MICU2: variants seen among roughly 807,000 people sequenced by gnomAD.
The protein encoded by MICU2 is mitochondrial calcium uptake 2, also known as calcium uptake protein 2, mitochondrial.
MICU2 carries 64 observed loss-of-function variants against 60.4 expected under a neutral mutation model. The observed-to-expected ratio is 1.06, with a 90% CI of 0.87 to 1.31. The LOEUF is 1.31. Ranked by LOEUF, MICU2 falls within the 50% of genes most tolerant of loss-of-function variation. MICU2 has a pLI of 0.00. For missense variants in MICU2, 569 were observed against 531.0 expected (o/e 1.07, Z -0.70); for synonymous variants, 201 against 175.0 (o/e 1.15, Z -1.17).
intron 4 of MICU2, among the ~76,000 whole-genome samples, chr13:21,531,642 T>G (rs569780942): frequency 6.6e-6 from 1 of 152,316 alleles, no homozygotes; most frequent in African/African-American, 2.4e-5. Flanking sequence ...GCGTCAAGAT[T>G]TGTAGAAGTA....
chr13:21,521,122 A>G (rs970495238), intron 6 of MICU2, 123 bp downstream of exon 6: 2 of 795,056 alleles, frequency 2.5e-6, no homozygotes, highest in Non-Finnish European at 4.0e-6. Flanking sequence ...GAATGTCCAA[A>G]TAATTTCCTG....
Position 21,514,446 on chromosome 13 carries a change from A to G in MICU2, c.598-28T>C, listed in dbSNP as rs76765128. ...AAAAAGATTACAAACATGAGTTTAC[A>G]TGTGTGCCTACCAGATTTTTCAAAA... On this transcript the variant is annotated intron_variant, in intron 6 of 11. Coordinates refer to ENST00000382374, the MANE Select transcript of MICU2 (RefSeq NM_152726.3). 1,158 of 1,571,474 alleles carry G rather than the reference A, an allele frequency of 7.4e-4. 16 individuals carry two copies. In the African/African-American group the frequency reaches 0.013, roughly 18 times the overall value.
chr13:21,603,911 G>C lies in MICU2; in HGVS notation c.210+28C>G, dbSNP rs1045975962. The C allele has an allele frequency of 3.7e-6, 6 of 1,608,204 alleles. No individual in the cohort carries two copies. The African/African-American group carries it at 8.1e-5, about 22-fold the overall frequency. On this transcript the variant is annotated intron_variant, in intron 1 of 11. Transcript: ENST00000382374. Reference sequence around the variant, plus strand: ...GTCAGGGGAGGGAGGAGCTTGACTGGGGCTAGCAGAAGGAGTTAGTCCTGT... The same window carrying C: ...GTCAGGGGAGGGAGGAGCTTGACTGCGGCTAGCAGAAGGAGTTAGTCCTGT...
chr13:21,515,068 A>G (rs555230007), intron 6 of MICU2, among the ~76,000 whole-genome samples: 1 of 144,348 alleles, frequency 6.9e-6, no homozygotes, highest in Non-Finnish European at 1.5e-5. Flanking sequence ...GTTTATGGTG[A>G]CATTTTCAAG....
At chr13:21,501,484 G>A (rs570497590) in intron 9 of MICU2, among the ~76,000 whole-genome samples, 9 of 152,098 alleles carry the variant, frequency 5.9e-5, no homozygotes, top group Non-Finnish European at 1.2e-4. Context: ...GGATGGTCTT[G>A]ATCTCCTGAC....
chr13:21,519,268 C>T (rs947117386), intron 6 of MICU2, among the ~76,000 whole-genome samples: 2 of 151,980 alleles, frequency 1.3e-5, no homozygotes, highest in South Asian at 2.1e-4. Flanking sequence ...ATGTTGGTCA[C>T]GCTGGTCTCA....
intron 1 of MICU2, among the ~76,000 whole-genome samples, chr13:21,593,594 A>AC (rs1888633443): frequency 2.7e-5 from 4 of 150,518 alleles, no homozygotes; most frequent in Non-Finnish European, 5.9e-5. Context: ...AAAAAAAAAA[A>AC]CAAAGCTGGA....
chr13:21,520,343 T>C (rs1886685818), intron 6 of MICU2, among the ~76,000 whole-genome samples: 1 of 152,230 alleles, frequency 6.6e-6, no homozygotes, highest in African/African-American at 2.4e-5. Context: ...CAAGGATATA[T>C]GTTACTTTAA....
chr13:21,510,031 C>A lies in MICU2; in HGVS notation c.734G>T (p.Arg245Ile). The change falls in exon 8 of 12, where the codon AGA becomes ATA. Residue 245 changes from arginine to isoleucine, a missense_variant. Transcript: ENST00000382374. ...TCGAAATTCTTTATAATGAAGTTTT[C>A]TTTGTCCTCTTTTTCCAAAGAAACG... ...QMRFFGKRGQRKLHYKEFRRF... is the reference protein window; with the variant it reads ...QMRFFGKRGQIKLHYKEFRRF... 1.3e-6 allele frequency: 2 copies of A among 1,542,888 alleles called. No individual in the cohort carries two copies. Among genetic ancestry groups the A allele is most frequent in the Admixed American group, 2.1e-5 (1 of 47,704 alleles).
chr13:21,567,440 C>T (rs1888011984), intron 1 of MICU2, among the ~76,000 whole-genome samples: 1 of 152,080 alleles, frequency 6.6e-6, no homozygotes, highest in Non-Finnish European at 1.5e-5. Flanking sequence ...GCCACGTTAC[C>T]AGAGTGACTG....
chr13:21,495,364 T>G, intron 10 of MICU2, 46 bp from the exon 11 acceptor site: 1 of 1,385,384 alleles, frequency 7.2e-7, no homozygotes, highest in East Asian at 2.5e-5. Flanking sequence ...TGAAATAGTC[T>G]AAGTGAAATT....
At chr13:21,513,655 G>A (rs1886487458) in intron 7 of MICU2, among the ~76,000 whole-genome samples, 2 of 139,494 alleles carry the variant, frequency 1.4e-5, no homozygotes, top group Non-Finnish European at 3.0e-5. Context: ...CAGGAGAATC[G>A]CTTGAACTGG....
intron 1 of MICU2, among the ~76,000 whole-genome samples, chr13:21,569,410 T>TA (rs1156556055): frequency 1.3e-5 from 2 of 152,148 alleles, no homozygotes; most frequent in African/African-American, 4.8e-5. Context: ...GCTCTGCTTA[T>TA]AGAGTACAAA....
At chr13:21,508,268 G>C (rs1428237550) in intron 8 of MICU2, among the ~76,000 whole-genome samples, 2 of 151,998 alleles carry the variant, frequency 1.3e-5, no homozygotes, top group African/African-American at 2.4e-5. Context: ...AGGGTCTACA[G>C]GTGCCTGCCA....
At chr13:21,603,483 G>A (rs1330018015) in intron 1 of MICU2, 3 of 167,454 alleles carry the variant, frequency 1.8e-5, no homozygotes, top group African/African-American at 4.8e-5. Flanking sequence ...AGAAAAGATC[G>A]TAAAACTTAG....
At chr13:21,593,740 C>T (rs143693583) in intron 1 of MICU2, among the ~76,000 whole-genome samples, 2,692 of 152,216 alleles carry the variant, frequency 0.018, 33 homozygotes, top group Non-Finnish European at 0.026. Context: ...CATCTACATC[C>T]ATCTGATCTT....
intron 1 of MICU2, among the ~76,000 whole-genome samples, chr13:21,581,182 G>A (rs1446067873): frequency 6.6e-6 from 1 of 152,142 alleles, no homozygotes. Flanking sequence ...TGAAAATTTA[G>A]AGCAGAGGTT....
chr13:21,497,702 T>C (rs541653611), intron 9 of MICU2, among the ~76,000 whole-genome samples: 1 of 152,336 alleles, frequency 6.6e-6, no homozygotes, highest in Non-Finnish European at 1.5e-5. Flanking sequence ...AGCAAGACCC[T>C]GTCTCAAAAA....
At chr13:21,533,158 T>C (rs901680734) in intron 4 of MICU2, among the ~76,000 whole-genome samples, 1 of 152,140 alleles carries the variant, frequency 6.6e-6, no homozygotes, top group Non-Finnish European at 1.5e-5. Flanking sequence ...GGTGAGTTCT[T>C]TCTTTCTTTA....
Sources: gnomAD v4.1 joint callset for allele counts (sites outside exome capture counted in the v4.1 genomes callset) on GRCh38, gnomAD v4.1.1 for gene constraint, MANE v1.5 for transcripts, NCBI Gene and HGNC (gene_info 2026-07-23, HGNC 2026-07-21) for gene names.